AHI1: variants seen among roughly 807,000 people sequenced by gnomAD.
The protein encoded by AHI1 is Abelson helper integration site 1.
Under a neutral mutation model 149.3 loss-of-function variants are expected in AHI1, and 123 were observed. The observed-to-expected ratio is 0.82, with a 90% CI of 0.71 to 0.96. The LOEUF (loss-of-function observed/expected upper bound fraction) is 0.96. Among genes scored for constraint, AHI1 ranks in the 40% least tolerant of loss-of-function variants. AHI1 has a pLI of 0.00. For missense variants in AHI1, 1,439 were observed against 1,422.7 expected, an observed-to-expected ratio of 1.01 and a Z score of -0.18; for synonymous variants, 475 against 459.8, an observed-to-expected ratio of 1.03 and a Z score of -0.42.
chr6:135,359,893 G>GA (rs1229662096), intron 23 of AHI1, among the ~76,000 whole-genome samples: 3 of 150,870 alleles, frequency 2.0e-5, no homozygotes, highest in Admixed American at 6.6e-5. Flanking sequence ...ACAATACCAA[G>GA]AAAAAAACAA....
intron 24 of AHI1, among the ~76,000 whole-genome samples, chr6:135,337,300 T>C (rs1789542341): frequency 2.0e-5 from 3 of 152,160 alleles, no homozygotes; most frequent in Admixed American, 6.5e-5. Flanking sequence ...ACATGGGAAA[T>C]TGAAATTAGA....
intron 5 of AHI1, among the ~76,000 whole-genome samples, chr6:135,470,615 C>A (rs1419045921): frequency 1.3e-5 from 2 of 152,028 alleles, no homozygotes; most frequent in African/African-American, 4.8e-5. Context: ...TTCATATATA[C>A]CAATGAATAC....
chr6:135,485,954 T>C (rs1794411894), intron 5 of AHI1, among the ~76,000 whole-genome samples: 1 of 152,188 alleles, frequency 6.6e-6, no homozygotes, highest in Non-Finnish European at 1.5e-5. Context: ...TTATTAGTTA[T>C]ATGATCCTGG....
intron 24 of AHI1, among the ~76,000 whole-genome samples, chr6:135,332,351 G>GCCA (rs1164437726): frequency 2.0e-5 from 3 of 152,236 alleles, no homozygotes; most frequent in African/African-American, 7.2e-5. Context: ...ACAGGCGTAA[G>GCCA]CCACCGCTCC....
At position 135,304,088 on chromosome 6, in the gene AHI1, G is replaced by A. The variant is rs547430129; in HGVS notation, c.3427-3530C>T. Among the ~76,000 whole-genome samples the A allele has an allele frequency of 7.2e-5, 11 of 152,354 alleles. No homozygotes were observed. The East Asian group carries it at 1.3e-3, about 19-fold the overall frequency. ...ATCTCGCTCTGTCACTCAGGCTGGAGTGCAGTGGCGTGATCATAGCTCACT... is the reference window on the plus strand; with the variant it reads ...ATCTCGCTCTGTCACTCAGGCTGGAATGCAGTGGCGTGATCATAGCTCACT... On this transcript the variant is annotated intron_variant, in intron 26 of 28. Transcript: ENST00000265602.
At chr6:135,398,253 C>T (rs549855853) in intron 22 of AHI1, among the ~76,000 whole-genome samples, 132 of 152,062 alleles carry the variant, frequency 8.7e-4, no homozygotes, top group Non-Finnish European at 1.6e-3. Context: ...TTAGTAAAGT[C>T]TAAGCAATGA....
chr6:135,292,158 A>AC (rs1424762749), intron 27 of AHI1, among the ~76,000 whole-genome samples: 3 of 151,702 alleles, frequency 2.0e-5, no homozygotes, highest in African/African-American at 7.3e-5. Flanking sequence ...ACACACAAAG[A>AC]CCCCATGGAT....
intron 24 of AHI1, among the ~76,000 whole-genome samples, chr6:135,336,103 A>C (rs1789333605): frequency 6.7e-6 from 1 of 148,206 alleles, no homozygotes; most frequent in Admixed American, 6.7e-5. Context: ...ACTAGAGCGA[A>C]ACTCCGTCTA....
chr6:135,444,653 C>T (rs1286355762), intron 13 of AHI1, among the ~76,000 whole-genome samples: 2 of 152,216 alleles, frequency 1.3e-5, no homozygotes, highest in Non-Finnish European at 2.9e-5. Flanking sequence ...AGATGCTTTA[C>T]ATTCTTGGAA....
chr6:135,339,562 T>C (rs1789974534), intron 24 of AHI1, among the ~76,000 whole-genome samples: 2 of 152,128 alleles, frequency 1.3e-5, no homozygotes, highest in Non-Finnish European at 1.5e-5. Flanking sequence ...CTAGAGGGAC[T>C]CAATAGTAGG....
chr6:135,421,462 A>C (rs1405980189), intron 20 of AHI1, among the ~76,000 whole-genome samples: 1 of 152,216 alleles, frequency 6.6e-6, no homozygotes, highest in Non-Finnish European at 1.5e-5. Flanking sequence ...AAAAATATTG[A>C]TATAAAATAG....
At chr6:135,363,056 A>T (rs1794166765) in intron 23 of AHI1, among the ~76,000 whole-genome samples, 1 of 149,126 alleles carries the variant, frequency 6.7e-6, no homozygotes, top group African/African-American at 2.5e-5. Flanking sequence ...TATTATTATT[A>T]TTATTATTTT....
chr6:135,496,853 T>G (rs917939113), intron 2 of AHI1, among the ~76,000 whole-genome samples: 2 of 152,212 alleles, frequency 1.3e-5, no homozygotes, highest in African/African-American at 4.8e-5. Context: ...TAAACAAGAT[T>G]CTAGGTATGG....
At chr6:135,465,352 AATAGTGATT>A (rs1790574557) in intron 7 of AHI1, among the ~76,000 whole-genome samples, 2 of 152,218 alleles carry the variant, frequency 1.3e-5, no homozygotes, top group Non-Finnish European at 2.9e-5. Context: ...CCAAATTGCC[AATAGTGATT>A]ATCTTTGAAT....
intron 23 of AHI1, among the ~76,000 whole-genome samples, chr6:135,389,008 G>A (rs925116406): frequency 1.4e-5 from 2 of 143,598 alleles, no homozygotes; most frequent in Non-Finnish European, 3.0e-5. Context: ...GTGAGGTTCC[G>A]TGTTAAAAAA....
chr6:135,361,934 T>C (rs1253150641), intron 23 of AHI1, among the ~76,000 whole-genome samples: 3 of 152,136 alleles, frequency 2.0e-5, no homozygotes, highest in African/African-American at 7.2e-5. Context: ...ATTTTGTGTA[T>C]CTGTCACCCA....
At chr6:135,356,143 C>T (rs1792930349) in intron 24 of AHI1, among the ~76,000 whole-genome samples, 1 of 152,162 alleles carries the variant, frequency 6.6e-6, no homozygotes, top group Non-Finnish European at 1.5e-5. Flanking sequence ...CCAGCCTCAG[C>T]TATTCTAAAA....
chr6:135,448,387 C>G lies in AHI1; in HGVS notation c.1529G>C (p.Ser510Thr). 1 of 1,609,196 alleles carries G rather than the reference C, an allele frequency of 6.2e-7. No homozygotes were observed. Among genetic ancestry groups the G allele is most frequent in the Non-Finnish European group, 8.5e-7 (1 of 1,176,786 alleles). The change falls in exon 12 of 29, where the codon AGT becomes ACT. Residue 510 changes from serine to threonine, a missense_variant. Transcript: ENST00000265602. ...CCACCATTCAAATGCCTCAACAACA[C>G]TTAATGGGGATCGAGGCTTAGTAGG... ...YPPTKPRSPL[S>T]VVEAFEWWSK...
chr6:135,486,383 C>G (rs139779473), intron 5 of AHI1, among the ~76,000 whole-genome samples: 7 of 152,270 alleles, frequency 4.6e-5, no homozygotes, highest in East Asian at 1.9e-4. Context: ...CACCAATGTT[C>G]TAAAAAATCC....
Sources: gnomAD v4.1 joint callset for allele counts (sites outside exome capture counted in the v4.1 genomes callset) on GRCh38, gnomAD v4.1.1 for gene constraint, MANE v1.5 for transcripts, NCBI Gene and HGNC (gene_info 2026-07-23, HGNC 2026-07-21) for gene names.